The following CAMKMT variants were observed in gnomAD, a reference collection of about 807,000 sequenced individuals.
CAMKMT encodes the protein calmodulin-lysine N-methyltransferase, also known as CaM KMT.
CAMKMT carries 53 observed loss-of-function variants against 48.0 expected under a neutral mutation model. The ratio of observed to expected loss-of-function variants is 1.10; its 90% confidence interval spans 0.89 to 1.39. The LOEUF is 1.39. CAMKMT is among the 40% of genes most tolerant of loss of function. CAMKMT has a pLI of 0.00. For missense variants in CAMKMT, 428 were observed against 402.7 expected (o/e 1.06, Z -0.54); for synonymous variants, 165 against 152.3 (o/e 1.08, Z -0.61).
chr2:44,512,444 T>C (rs2104772882), intron 3 of CAMKMT, among the ~76,000 whole-genome samples: 1 of 152,342 alleles, frequency 6.6e-6, no homozygotes, highest in Non-Finnish European at 1.5e-5. Flanking sequence ...TATGGATGTA[T>C]TTTACACATG....
chr2:44,375,720 T>G (rs574169439), intron 2 of CAMKMT, among the ~76,000 whole-genome samples: 2 of 151,830 alleles, frequency 1.3e-5, no homozygotes, highest in African/African-American at 4.8e-5. Flanking sequence ...AAGAGGCCAT[T>G]GCAGTCTTTA....
At chr2:44,764,941 G>A (rs1680775498) in intron 9 of CAMKMT, among the ~76,000 whole-genome samples, 1 of 152,222 alleles carries the variant, frequency 6.6e-6, no homozygotes, top group Middle Eastern at 3.4e-3. Flanking sequence ...ACTAAAGGAG[G>A]GTTGGGCACG....
chr2:44,599,748 G>C (rs1405780827), intron 3 of CAMKMT, among the ~76,000 whole-genome samples: 1 of 151,104 alleles, frequency 6.6e-6, no homozygotes, highest in Non-Finnish European at 1.5e-5. Context: ...AACATGTTTA[G>C]TCTAATAACC....
chr2:44,665,276 G>C (rs1323145288), intron 3 of CAMKMT, among the ~76,000 whole-genome samples: 1 of 152,070 alleles, frequency 6.6e-6, no homozygotes, highest in Non-Finnish European at 1.5e-5. Flanking sequence ...TCACCATGTT[G>C]GCCATGTTGG....
At chr2:44,494,977 G>A (rs896635005) in intron 3 of CAMKMT, among the ~76,000 whole-genome samples, 1 of 152,148 alleles carries the variant, frequency 6.6e-6, no homozygotes, top group Non-Finnish European at 1.5e-5. Context: ...TCACACAGTA[G>A]TTGCTCAGGA....
chr2:44,731,550 ACT>A (rs1480283554), intron 7 of CAMKMT, among the ~76,000 whole-genome samples: 1 of 152,098 alleles, frequency 6.6e-6, no homozygotes, highest in African/African-American at 2.4e-5. Context: ...TGAAACAGAG[ACT>A]CTCTGTTTGA....
intron 3 of CAMKMT, among the ~76,000 whole-genome samples, chr2:44,633,013 C>G (rs1456575926): frequency 6.6e-6 from 1 of 152,080 alleles, no homozygotes; most frequent in Non-Finnish European, 1.5e-5. Context: ...AGTTCTTTCC[C>G]TCTAGAGAAC....
At chr2:44,404,339 A>G (rs771996828) in intron 3 of CAMKMT, among the ~76,000 whole-genome samples, 2 of 152,086 alleles carry the variant, frequency 1.3e-5, no homozygotes, top group African/African-American at 2.4e-5. Context: ...ATTTTTGCAT[A>G]TGTGTGTACA....
chr2:44,465,767 C>CT (rs1265265807), intron 3 of CAMKMT, among the ~76,000 whole-genome samples: 1 of 152,132 alleles, frequency 6.6e-6, no homozygotes, highest in Non-Finnish European at 1.5e-5. Context: ...ATTATAAAAA[C>CT]TTCAAACAAT....
At chr2:44,495,744 G>T (rs1029988976) in intron 3 of CAMKMT, among the ~76,000 whole-genome samples, 1 of 152,104 alleles carries the variant, frequency 6.6e-6, no homozygotes, top group Non-Finnish European at 1.5e-5. Flanking sequence ...TTCTTTAGCA[G>T]CTGTCACAGT....
chr2:44,494,587 G>A (rs1349770331), intron 3 of CAMKMT, among the ~76,000 whole-genome samples: 2 of 152,158 alleles, frequency 1.3e-5, no homozygotes, highest in African/African-American at 4.8e-5. Flanking sequence ...GCAATTCAAA[G>A]TGTTGGATTG....
At chr2:44,475,648 G>T (rs886595421) in intron 3 of CAMKMT, among the ~76,000 whole-genome samples, 47 of 152,102 alleles carry the variant, frequency 3.1e-4, no homozygotes, top group African/African-American at 1.1e-3. Context: ...AATAACTGGT[G>T]TGGCAAGTAG....
chr2:44,511,556 T>G (rs1469911298), intron 3 of CAMKMT, among the ~76,000 whole-genome samples: 2 of 152,356 alleles, frequency 1.3e-5, no homozygotes, highest in Admixed American at 1.3e-4. Context: ...CCCAAAGTGT[T>G]GGGATTACAG....
At position 44,771,899 on chromosome 2, in the gene CAMKMT, G is replaced by C. The variant is rs192653156; in HGVS notation, c.895-137G>C. On this transcript the variant is annotated intron_variant, in intron 10 of 10. Transcript: ENST00000378494. ...TTAGTGCCACTGAGAACTACTTTGA[G>C]TTGCTTTTCTGTGATTTATTTTTCC... The C allele has an allele frequency of 1.1e-3, 634 of 602,834 alleles. 4 individuals are homozygous for C. The highest frequency in any genetic ancestry group is 9.7e-4 in the Non-Finnish European group (336 of 346,518). The allele number at this position is 602,834 out of a possible 1,614,324, so 37.3% of individuals were successfully genotyped here. A position where few individuals can be genotyped will look rare whatever the true frequency, so the allele number is the denominator to read the frequency against.
intron 9 of CAMKMT, among the ~76,000 whole-genome samples, chr2:44,759,724 A>C (rs922784087): frequency 6.6e-6 from 1 of 152,154 alleles, no homozygotes; most frequent in East Asian, 1.9e-4. Context: ...CCCTCAGTGC[A>C]GGGGCCCAGC....
At chr2:44,627,417 T>G (rs1672543840) in intron 3 of CAMKMT, among the ~76,000 whole-genome samples, 1 of 152,152 alleles carries the variant, frequency 6.6e-6, no homozygotes, top group African/African-American at 2.4e-5. Context: ...CTGGCAAATG[T>G]TCTTCCTTCT....
chr2:44,467,241 C>CCAAAAA (rs1668166976), intron 3 of CAMKMT, among the ~76,000 whole-genome samples: 1 of 150,304 alleles, frequency 6.7e-6, no homozygotes, highest in Non-Finnish European at 1.5e-5. Context: ...GACCCTGTCT[C>CCAAAAA]CAAAAACAAA....
At position 44,667,235 on chromosome 2, in the gene CAMKMT, G is replaced by T. The variant is rs80304088; in HGVS notation, c.377-37048G>T. 5.9e-5 allele frequency among the ~76,000 whole-genome samples: 9 copies of T among 152,228 alleles called. No individual in the cohort carries two copies. In the East Asian group the frequency reaches 1.5e-3, roughly 26 times the overall value. On this transcript the variant is annotated intron_variant, in intron 3 of 10. Transcript: ENST00000378494. ...TCTAGCTAAAGTCTCCTGACTAAAT[G>T]GATTGATTTCCTATCTTCCCATAAG...
At chr2:44,557,831 A>G (rs1345495751) in intron 3 of CAMKMT, among the ~76,000 whole-genome samples, 1 of 152,120 alleles carries the variant, frequency 6.6e-6, no homozygotes, top group East Asian at 1.9e-4. Context: ...AATATAAGGA[A>G]TAGACAAAGA....
Sources: gnomAD v4.1 joint callset for allele counts (sites outside exome capture counted in the v4.1 genomes callset) on GRCh38, gnomAD v4.1.1 for gene constraint, MANE v1.5 for transcripts, NCBI Gene and HGNC (gene_info 2026-07-23, HGNC 2026-07-21) for gene names.